Variants in FAM81B observed in about 807,000 individuals in gnomAD.
FAM81B encodes the protein family with sequence similarity 81 member B, also known as protein FAM81B.
In FAM81B, 60 loss-of-function variants were observed where a neutral mutation model predicts 58.7. The observed-to-expected ratio is 1.02, with a 90% confidence interval of 0.83 to 1.27. The LOEUF is 1.27. Ranked by LOEUF, FAM81B falls within the 50% of genes most tolerant of loss-of-function variation. The probability of loss-of-function intolerance (pLI) is 0.00; values close to 1 mark genes in which losing one functional copy is unlikely to be tolerated. For missense variants in FAM81B, 491 were observed against 522.0 expected (o/e 0.94, Z 0.58); for synonymous variants, 189 against 179.6 (o/e 1.05, Z -0.42).
At chr5:95,444,170 A>G (rs1745466774) in intron 7 of FAM81B, among the ~76,000 whole-genome samples, 2 of 152,220 alleles carry the variant, frequency 1.3e-5, no homozygotes, top group Admixed American at 1.3e-4. Flanking sequence ...ATGCTAATAA[A>G]AGATACTTAA....
chr5:95,404,806 G>A (rs1465026740), intron 3 of FAM81B, among the ~76,000 whole-genome samples: 1 of 152,174 alleles, frequency 6.6e-6, no homozygotes, highest in Non-Finnish European at 1.5e-5. Flanking sequence ...ATGGAGGATA[G>A]ACAATAAACA....
intron 4 of FAM81B, among the ~76,000 whole-genome samples, chr5:95,417,337 A>G (rs1330810278): frequency 6.6e-6 from 1 of 152,168 alleles, no homozygotes; most frequent in African/African-American, 2.4e-5. Flanking sequence ...AAAGTGTTGA[A>G]TCCACTTTTT....
intron 5 of FAM81B, among the ~76,000 whole-genome samples, chr5:95,426,692 G>A (rs566526156): frequency 2.6e-5 from 4 of 152,308 alleles, no homozygotes; most frequent in Admixed American, 1.3e-4. Flanking sequence ...ACTGTATGCA[G>A]TGACCATGGC....
intron 2 of FAM81B, among the ~76,000 whole-genome samples, chr5:95,393,964 G>T (rs1298358635): frequency 6.6e-6 from 1 of 152,104 alleles, no homozygotes; most frequent in African/African-American, 2.4e-5. Flanking sequence ...GGATAAAACA[G>T]AACTGACTCT....
chr5:95,431,637 TGAG>T (rs972482779), intron 6 of FAM81B, among the ~76,000 whole-genome samples: 7 of 152,160 alleles, frequency 4.6e-5, no homozygotes, highest in African/African-American at 1.7e-4. Flanking sequence ...TTTAAGTTCT[TGAG>T]GAGTATTTTC....
At chr5:95,435,289 A>G (rs1745055831) in intron 6 of FAM81B, among the ~76,000 whole-genome samples, 1 of 152,096 alleles carries the variant, frequency 6.6e-6, no homozygotes, top group Non-Finnish European at 1.5e-5. Context: ...TTTTTTACTC[A>G]AGTGACTGGG....
intron 7 of FAM81B, chr5:95,440,672 G>A: frequency 1.2e-6 from 1 of 835,878 alleles, no homozygotes; most frequent in Non-Finnish European, 1.7e-6. Context: ...ACCACAGACT[G>A]GGAAAAGTTG....
At chr5:95,407,427 C>CGT (rs1554043360) in intron 3 of FAM81B, among the ~76,000 whole-genome samples, 3,445 of 146,744 alleles carry the variant, frequency 0.023, 64 homozygotes, top group Non-Finnish European at 0.036. Flanking sequence ...CACACGCGTG[C>CGT]GCGCACACAA....
At chr5:95,442,970 C>A (rs1745422553) in intron 7 of FAM81B, among the ~76,000 whole-genome samples, 1 of 152,142 alleles carries the variant, frequency 6.6e-6, no homozygotes, top group African/African-American at 2.4e-5. Flanking sequence ...GCCACTAATT[C>A]TTTTTACATT....
At chr5:95,397,339 T>G (rs934333730) in intron 3 of FAM81B, among the ~76,000 whole-genome samples, 3 of 152,212 alleles carry the variant, frequency 2.0e-5, no homozygotes, top group Non-Finnish European at 4.4e-5. Flanking sequence ...GACAGATGAC[T>G]TTTCTTCTGA....
rs550937355 is a variant in FAM81B at position 95,410,445 on chromosome 5, G to A, written c.294-3502G>A. Among the ~76,000 whole-genome samples the A allele has an allele frequency of 2.0e-5, 3 of 152,216 alleles. No individual in the cohort carries two copies. The South Asian group carries it at 6.2e-4, about 32-fold the overall frequency. ...AACCCGCAGTCCAGAAAATGCTAAT[G>A]TTCACAATCTGGCCCTAAAATCTGC... On this transcript the variant is annotated intron_variant, in intron 3 of 9. Transcript: ENST00000283357.
chr5:95,420,716 CAT>C (rs35648898), intron 5 of FAM81B, among the ~76,000 whole-genome samples: 39,978 of 152,030 alleles, frequency 0.26, 6,402 homozygotes, highest in African/African-American at 0.45. Context: ...ACGAAATCCC[CAT>C]ATGTGTCAAA....
intron 5 of FAM81B, among the ~76,000 whole-genome samples, chr5:95,423,831 C>G (rs891420424): frequency 2.0e-5 from 3 of 152,148 alleles, no homozygotes; most frequent in Admixed American, 6.5e-5. Context: ...TGGACTGATA[C>G]AGTCCTTCTC....
intron 9 of FAM81B, among the ~76,000 whole-genome samples, chr5:95,448,977 T>G (rs1261215954): frequency 6.6e-6 from 1 of 152,184 alleles, no homozygotes; most frequent in Non-Finnish European, 1.5e-5. Flanking sequence ...AGTGTCAAGC[T>G]GAGCTAACAT....
intron 5 of FAM81B, chr5:95,424,323 C>T (rs1762767301): frequency 2.1e-6 from 2 of 960,614 alleles, no homozygotes; most frequent in African/African-American, 1.7e-5. Context: ...ATAATAGATA[C>T]ATAAAACATA....
intron 2 of FAM81B, 130 bp from the exon 3 acceptor site, chr5:95,395,981 T>C (rs1761954637): frequency 3.0e-6 from 2 of 662,034 alleles, no homozygotes; most frequent in South Asian, 4.3e-5. Flanking sequence ...ATGTGTAAGA[T>C]TAACTGAGCT....
intron 6 of FAM81B, among the ~76,000 whole-genome samples, chr5:95,429,795 C>A (rs1386983800): frequency 6.6e-6 from 1 of 152,142 alleles, no homozygotes; most frequent in Admixed American, 6.5e-5. Flanking sequence ...TCCTGATTAT[C>A]CTGGAAATGT....
intron 4 of FAM81B, among the ~76,000 whole-genome samples, chr5:95,414,556 T>C (rs967409896): frequency 3.9e-5 from 6 of 152,202 alleles, no homozygotes; most frequent in African/African-American, 7.2e-5. Context: ...CTCCATTGTA[T>C]AGCCATTGCA....
intron 5 of FAM81B, among the ~76,000 whole-genome samples, chr5:95,427,044 G>A (rs546856662): frequency 7.4e-5 from 11 of 148,716 alleles, no homozygotes; most frequent in South Asian, 4.2e-4. Flanking sequence ...GCAAGACTCC[G>A]TCTCAAAAAA....
Sources: allele counts gnomAD v4.1 joint callset (sites outside exome capture counted in the v4.1 genomes callset), GRCh38; gene constraint gnomAD v4.1.1; transcripts MANE v1.5; gene names NCBI Gene and HGNC (gene_info 2026-07-23, HGNC 2026-07-21).